The following CASP9 variants were observed in gnomAD, a reference collection of about 807,000 sequenced individuals.
CASP9 encodes caspase-9.
CASP9 carries 29 observed loss-of-function variants against 43.5 expected under a neutral mutation model. The observed-to-expected ratio is 0.67, with a 90% CI of 0.50 to 0.91. CASP9 has a LOEUF of 0.91. Ranked by LOEUF, CASP9 falls within the 40% of genes least tolerant of loss-of-function variation. CASP9 has a pLI of 0.00. For missense variants in CASP9, 575 were observed against 537.4 expected (o/e 1.07, Z -0.69); for synonymous variants, 206 against 211.9 (o/e 0.97, Z 0.24).
intron 1 of CASP9, among the ~76,000 whole-genome samples, chr1:15,523,070 T>C (rs552738426): frequency 9.8e-5 from 15 of 152,344 alleles, no homozygotes; most frequent in South Asian, 8.3e-4. Context: ...ATCTCCTGCA[T>C]CCTCACAGGC....
chr1:15,513,419 T>C (rs1709839900), intron 2 of CASP9, among the ~76,000 whole-genome samples: 1 of 152,094 alleles, frequency 6.6e-6, no homozygotes, highest in African/African-American at 2.4e-5. Flanking sequence ...AACAAGCAGT[T>C]ACACACAAGG....
intron 1 of CASP9, among the ~76,000 whole-genome samples, chr1:15,521,506 T>C (rs1036703420): frequency 2.6e-5 from 4 of 152,190 alleles, no homozygotes; most frequent in African/African-American, 9.7e-5. Context: ...GAAGAAATAG[T>C]GAAAGTCTTA....
At chr1:15,496,467 T>G (rs1709108350) in intron 6 of CASP9, among the ~76,000 whole-genome samples, 1 of 151,690 alleles carries the variant, frequency 6.6e-6, no homozygotes, top group South Asian at 2.1e-4. Flanking sequence ...AAAGAAGGAG[T>G]AAAATTATCT....
intron 1 of CASP9, among the ~76,000 whole-genome samples, chr1:15,520,933 A>G (rs534019667): frequency 3.3e-5 from 5 of 152,250 alleles, no homozygotes; most frequent in Admixed American, 3.3e-4. Context: ...CAAGGTGGGC[A>G]GATCACGAGG....
chr1:15,505,737 A>G (rs913987725), intron 5 of CASP9, among the ~76,000 whole-genome samples: 16 of 152,170 alleles, frequency 1.1e-4, no homozygotes, highest in Non-Finnish European at 1.9e-4. Context: ...GAGCTTCGTG[A>G]GCAGACCTGG....
At chr1:15,524,225 G>C (rs1284490709), upstream of CASP9, 1 of 1,534,278 alleles carries the variant, frequency 6.5e-7, no homozygotes, top group Non-Finnish European at 8.7e-7. Context: ...TAAGACTCCA[G>C]GCCGCCTCAG....
intron 6 of CASP9, among the ~76,000 whole-genome samples, chr1:15,502,956 G>A (rs1480158351): frequency 6.6e-6 from 1 of 152,182 alleles, no homozygotes; most frequent in Non-Finnish European, 1.5e-5. Context: ...TTGTCCTGAG[G>A]GAACTCTGCT....
chr1:15,513,112 G>A (rs979127385), intron 2 of CASP9, among the ~76,000 whole-genome samples: 2 of 146,938 alleles, frequency 1.4e-5, no homozygotes, highest in African/African-American at 5.0e-5. Flanking sequence ...AGTGTGCGGA[G>A]ATCGCGCCAC....
chr1:15,497,808 C>T (rs1171894759), intron 6 of CASP9, among the ~76,000 whole-genome samples: 3 of 152,132 alleles, frequency 2.0e-5, no homozygotes, highest in Non-Finnish European at 4.4e-5. Context: ...TCCTAAAATT[C>T]ACACGAGAAT....
At chr1:15,493,448 C>T in intron 8 of CASP9, 1 of 1,259,696 alleles carries the variant, frequency 7.9e-7, no homozygotes, top group Non-Finnish European at 1.0e-6. Flanking sequence ...GGCCACCCTT[C>T]CCTATCTGTT....
At chr1:15,506,831 G>C (rs1438289709) in intron 4 of CASP9, 68 bp downstream of exon 4, 13 of 1,385,012 alleles carry the variant, frequency 9.4e-6, no homozygotes, top group African/African-American at 1.4e-5. Context: ...GGCTTTTGGA[G>C]TCCCTCAAAA....
intron 3 of CASP9, 189 bp from the exon 4 acceptor site, chr1:15,507,264 G>T: frequency 1.7e-6 from 1 of 602,922 alleles, no homozygotes; most frequent in Admixed American, 3.0e-5. Flanking sequence ...CCCCCATCTT[G>T]GTATTAAGGG....
chr1:15,523,101 G>A (rs1710273965), intron 1 of CASP9, among the ~76,000 whole-genome samples: 2 of 152,190 alleles, frequency 1.3e-5, no homozygotes, highest in Admixed American at 1.3e-4. Context: ...GGTCAAATGA[G>A]ACAAAGATGG....
chr1:15,523,822 TATTC>T (rs1710313192), intron 1 of CASP9, among the ~76,000 whole-genome samples: 5 of 152,246 alleles, frequency 3.3e-5, no homozygotes, highest in Admixed American at 3.3e-4. Context: ...AATTGTTTCT[TATTC>T]AAAGTTCTCA....
Position 15,504,616 on chromosome 1 carries a change from C to T in CASP9, c.863G>A (p.Gly288Asp). The T allele has an allele frequency of 6.2e-7, 1 of 1,612,526 alleles. No homozygotes were observed. Among genetic ancestry groups the T allele is most frequent in the Admixed American group, 1.7e-5 (1 of 59,886 alleles). Residue 288 changes from glycine (G) to aspartate (D), a missense_variant, in exon 6 of 9, where the codon GGT (glycine) becomes GAT (aspartate). By Grantham distance (94) the Gly-to-Asp change is moderately conservative (BLOSUM62 -1). Coordinates refer to ENST00000333868, the MANE Select transcript of CASP9 (RefSeq NM_001229.5). ...GAGGCTGAGGAGCTGCTTACCCCCA[C>T]CACAGGCCTGGATGAAAAAGAGCTT... ...KPKLFFIQAC[G>D]GEQKDHGFEV...
chr1:15,523,009 C>G (rs1316625982), intron 1 of CASP9, among the ~76,000 whole-genome samples: 1 of 152,210 alleles, frequency 6.6e-6, no homozygotes, highest in Non-Finnish European at 1.5e-5. Context: ...GGGCACTGGC[C>G]AGGGATATCC....
chr1:15,492,868 A>C lies in CASP9; in HGVS notation c.*75T>G. On this transcript the variant is annotated 3_prime_UTR_variant, in exon 9 of 9. Transcript: ENST00000333868. ...AAGTCCTTGAGTTGCAGGAAAGTCC[A>C]GGCCTCAGCCTCTTTCAGGCCTGGG... 6.3e-7 allele frequency: 1 copy of C among 1,582,324 alleles called. No individual in the cohort carries two copies. The highest frequency in any genetic ancestry group is 8.5e-7 in the Non-Finnish European group (1 of 1,169,820).
intron 6 of CASP9, among the ~76,000 whole-genome samples, chr1:15,501,831 G>A (rs1031851787): frequency 2.6e-5 from 4 of 152,174 alleles, no homozygotes; most frequent in Admixed American, 6.5e-5. Flanking sequence ...GAGTGCAATA[G>A]TGTAAACATG....
At chr1:15,503,397 T>C (rs4646062) in intron 6 of CASP9, among the ~76,000 whole-genome samples, 7,144 of 152,278 alleles carry the variant, frequency 0.047, 291 homozygotes, top group African/African-American at 0.11. Context: ...GATAGGTCAG[T>C]AGCCCATCCA....
Sources: gnomAD v4.1 joint callset for allele counts (sites outside exome capture counted in the v4.1 genomes callset) on GRCh38, gnomAD v4.1.1 for gene constraint, MANE v1.5 for transcripts, NCBI Gene and HGNC (gene_info 2026-07-23, HGNC 2026-07-21) for gene names.